The following LRP1B variants were observed in gnomAD, a reference collection of about 807,000 sequenced individuals.
The protein encoded by LRP1B is LDL receptor related protein 1B, also known as low-density lipoprotein receptor-related protein 1B.
LRP1B carries 217 observed loss-of-function variants against 556.6 expected under a neutral mutation model. That is an observed-to-expected ratio of 0.39 (90% CI 0.35 to 0.44). The LOEUF (loss-of-function observed/expected upper bound fraction) is 0.44, where lower values mean the gene tolerates loss of function less well. LRP1B is among the 20% of genes least tolerant of loss of function. LRP1B has a pLI of 1.00. For synonymous variants in LRP1B, 2,047 were observed against 1,865.8 expected (o/e 1.10, Z -2.50); for missense variants, 5,053 against 5,620.8 (o/e 0.90, Z 3.23).
intron 1 of LRP1B, among the ~76,000 whole-genome samples, chr2:142,077,751 G>A (rs797000756): frequency 1.1e-4 from 17 of 152,158 alleles, no homozygotes; most frequent in African/African-American, 3.4e-4. Flanking sequence ...CTTTCTCTGC[G>A]AGGAATTTGT....
intron 3 of LRP1B, among the ~76,000 whole-genome samples, chr2:141,438,395 C>G (rs1444001727): frequency 6.6e-6 from 1 of 152,106 alleles, no homozygotes; most frequent in East Asian, 1.9e-4. Context: ...CTGGAAAATT[C>G]TAACTAGGAT....
intron 18 of LRP1B, among the ~76,000 whole-genome samples, chr2:140,974,773 T>C (rs1030278261): frequency 6.6e-6 from 1 of 152,148 alleles, no homozygotes; most frequent in African/African-American, 2.4e-5. Flanking sequence ...GAGAAACCGA[T>C]ATTTGGAACC....
At chr2:141,717,319 C>T (rs1046263795) in intron 2 of LRP1B, among the ~76,000 whole-genome samples, 2 of 152,148 alleles carry the variant, frequency 1.3e-5, no homozygotes, top group African/African-American at 4.8e-5. Flanking sequence ...TACTAGTTTA[C>T]CTGCATGATT....
chr2:140,724,902 C>T (rs2105482732), intron 35 of LRP1B, among the ~76,000 whole-genome samples: 1 of 152,286 alleles, frequency 6.6e-6, no homozygotes, highest in South Asian at 2.1e-4. Context: ...TCTGGTTGCA[C>T]ATACATTTCT....
chr2:141,137,957 C>A lies in LRP1B; in HGVS notation c.1013+50464G>T, dbSNP rs374949039. 2.4e-4 allele frequency among the ~76,000 whole-genome samples: 37 copies of A among 151,660 alleles called. No individual in the cohort carries two copies. The South Asian group carries it at 7.0e-3, about 29-fold the overall frequency. Reference sequence around the variant, plus strand: ...TTATTCTCCGAGGTCATCACTACCACGACTCCAAAATCAGACAAAAGTGTT... The same window carrying A: ...TTATTCTCCGAGGTCATCACTACCAAGACTCCAAAATCAGACAAAAGTGTT... On this transcript the variant is annotated intron_variant, in intron 7 of 90. Coordinates refer to ENST00000389484, the MANE Select transcript of LRP1B (RefSeq NM_018557.3).
chr2:140,756,409 C>G (rs1028222123), intron 35 of LRP1B, among the ~76,000 whole-genome samples: 2 of 151,860 alleles, frequency 1.3e-5, no homozygotes, highest in African/African-American at 4.8e-5. Context: ...AGTTGAAAGC[C>G]TCACACTTCC....
chr2:140,510,634 C>T (rs1451379548), intron 51 of LRP1B, among the ~76,000 whole-genome samples: 1 of 152,132 alleles, frequency 6.6e-6, no homozygotes, highest in African/African-American at 2.4e-5. Context: ...ATCCTAAGCA[C>T]CAACTTTTAA....
intron 25 of LRP1B, among the ~76,000 whole-genome samples, chr2:140,882,283 T>C (rs71417113): frequency 0.033 from 5,046 of 152,206 alleles, 125 homozygotes; most frequent in Non-Finnish European, 0.051. Flanking sequence ...GTATCAGCAA[T>C]CTACTTGTAC....
intron 20 of LRP1B, among the ~76,000 whole-genome samples, chr2:140,925,342 T>G (rs987274853): frequency 2.0e-5 from 3 of 152,128 alleles, no homozygotes; most frequent in Non-Finnish European, 2.9e-5. Context: ...AGTTCAATAT[T>G]CAGGAAGAAG....
In LRP1B at chr2:141,743,501, CTT is replaced by C. The variant is rs796287062; in HGVS notation, c.205+66776_205+66777del. 1.3e-3 allele frequency among the ~76,000 whole-genome samples: 152 copies of C among 119,000 alleles called. 3 individuals are homozygous for C. In the South Asian group the frequency reaches 0.025, roughly 19 times the overall value. 78.1% of individuals were successfully genotyped at this position (119,000 alleles called of 152,430 possible). On this transcript the variant is annotated intron_variant, in intron 2 of 90. Coordinates refer to ENST00000389484, the MANE Select transcript of LRP1B (RefSeq NM_018557.3). ...CTGCTTTTTTCTTTTTTTTTTTTTT[CTT>C]TTTTTTTTTTTTTTGATTAGTTTGA...
At chr2:141,609,247 A>C (rs1688023174) in intron 2 of LRP1B, among the ~76,000 whole-genome samples, 1 of 152,182 alleles carries the variant, frequency 6.6e-6, no homozygotes, top group Admixed American at 6.5e-5. Flanking sequence ...GTATAGGAGA[A>C]CACTATTACG....
intron 80 of LRP1B, among the ~76,000 whole-genome samples, chr2:140,325,555 A>G (rs1312942205): frequency 6.6e-6 from 1 of 152,138 alleles, no homozygotes; most frequent in African/African-American, 2.4e-5. Flanking sequence ...TGTTTGTTCA[A>G]GTCAAGATGG....
chr2:141,766,001 G>T (rs1694721050), intron 2 of LRP1B, among the ~76,000 whole-genome samples: 1 of 152,028 alleles, frequency 6.6e-6, no homozygotes, highest in Admixed American at 6.6e-5. Context: ...AGGAGCACGT[G>T]AAAAAAATCA....
At chr2:141,477,703 A>G (rs1682764303) in intron 3 of LRP1B, among the ~76,000 whole-genome samples, 1 of 152,150 alleles carries the variant, frequency 6.6e-6, no homozygotes, top group South Asian at 2.1e-4. Flanking sequence ...CATTGATTCT[A>G]GGATGACTAT....
At chr2:140,850,989 G>C (rs1692441020) in intron 28 of LRP1B, among the ~76,000 whole-genome samples, 1 of 151,884 alleles carries the variant, frequency 6.6e-6, no homozygotes, top group South Asian at 2.1e-4. Context: ...ATGTTATTAT[G>C]GTGTAAATTA....
chr2:140,507,532 C>T (rs1037109189), intron 52 of LRP1B, among the ~76,000 whole-genome samples: 60 of 152,020 alleles, frequency 3.9e-4, no homozygotes, highest in African/African-American at 1.4e-3. Flanking sequence ...GAATATTGAC[C>T]CTTTAGGAAT....
intron 6 of LRP1B, among the ~76,000 whole-genome samples, chr2:141,200,344 T>A (rs1282423193): frequency 6.6e-6 from 1 of 151,912 alleles, no homozygotes; most frequent in East Asian, 1.9e-4. Flanking sequence ...TGAGAACACA[T>A]GGACACATGA....
intron 2 of LRP1B, among the ~76,000 whole-genome samples, chr2:141,708,662 T>TCTCC (rs1449415065): frequency 7.1e-6 from 1 of 139,932 alleles, no homozygotes; most frequent in African/African-American, 2.7e-5. Context: ...CTGAATTGTG[T>TCTCC]CTCCCCAAAA....
intron 7 of LRP1B, among the ~76,000 whole-genome samples, chr2:141,182,957 C>T (rs2105176972): frequency 6.6e-6 from 1 of 151,960 alleles, no homozygotes; most frequent in East Asian, 2.0e-4. Flanking sequence ...AGGACCCTAC[C>T]TTCCAAGATG....
Sources: gnomAD v4.1 joint callset for allele counts (sites outside exome capture counted in the v4.1 genomes callset) on GRCh38, gnomAD v4.1.1 for gene constraint, MANE v1.5 for transcripts, NCBI Gene and HGNC (gene_info 2026-07-23, HGNC 2026-07-21) for gene names.